Variants in ARID1B observed in about 807,000 individuals in gnomAD.
ARID1B encodes the protein AT-rich interaction domain 1B.
A neutral mutation model predicts 212.3 loss-of-function variants in ARID1B; 30 were observed. The observed-to-expected ratio is 0.14, with a 90% CI of 0.11 to 0.19. ARID1B has a LOEUF of 0.19. Among genes scored for constraint, ARID1B ranks in the 10% least tolerant of loss-of-function variants. The pLI is 1.00. For missense variants in ARID1B, 2,891 were observed against 3,204.0 expected (o/e 0.90, Z 2.36); for synonymous variants, 1,402 against 1,301.7 (o/e 1.08, Z -1.66).
intron 2 of ARID1B, among the ~76,000 whole-genome samples, chr6:156,854,111 T>G (rs1238799208): frequency 1.3e-5 from 2 of 152,142 alleles, no homozygotes; most frequent in Non-Finnish European, 2.9e-5. Flanking sequence ...AAAACAAACT[T>G]TTTTTGGTGA....
At chr6:156,806,385 GT>G (rs1781157323) in intron 1 of ARID1B, among the ~76,000 whole-genome samples, 1 of 152,194 alleles carries the variant, frequency 6.6e-6, no homozygotes, top group Non-Finnish European at 1.5e-5. Flanking sequence ...CTTAGAGCTG[GT>G]TTGGAGGTGT....
At chr6:156,938,228 C>T (rs1488152253) in intron 4 of ARID1B, 3 of 151,880 alleles carry the variant, frequency 2.0e-5, no homozygotes, top group Non-Finnish European at 4.4e-5. Context: ...CAGCTAAGGT[C>T]ATTGTGGTTT....
intron 4 of ARID1B, among the ~76,000 whole-genome samples, chr6:156,999,469 A>G (rs537018220): frequency 2.6e-5 from 4 of 152,372 alleles, no homozygotes; most frequent in African/African-American, 9.6e-5. Flanking sequence ...AGTCACTATT[A>G]TTGTTGCAGT....
chr6:156,927,943 C>A (rs78234396), intron 3 of ARID1B, among the ~76,000 whole-genome samples: 2,160 of 152,210 alleles, frequency 0.014, 53 homozygotes, highest in African/African-American at 0.049. Flanking sequence ...TTAAGAGGAG[C>A]CCATTTGAGG....
In ARID1B at chr6:156,819,894, A is replaced by G. The variant is rs147757442; in HGVS notation, c.1792-9333A>G. Among the ~76,000 whole-genome samples the G allele has an allele frequency of 1.9e-3, 285 of 152,332 alleles. 1 individual carries two copies. The highest frequency in any genetic ancestry group is 6.6e-3 in the African/African-American group (275 of 41,568). ...CATATTTGAAATGTGTGGTTTTTCT[A>G]GAGCCCTGTGGAGGCCAGCATGGTT... On this transcript the variant is annotated intron_variant, in intron 1 of 19. Coordinates refer to ENST00000636930, the MANE Select transcript of ARID1B (RefSeq NM_001374828.1).
chr6:156,991,295 A>C (rs1223362600), intron 4 of ARID1B, among the ~76,000 whole-genome samples: 1 of 152,134 alleles, frequency 6.6e-6, no homozygotes, highest in Non-Finnish European at 1.5e-5. Flanking sequence ...CAATGGTGCG[A>C]TCTCGGCTCA....
chr6:157,081,898 T>C (rs1294705922), intron 4 of ARID1B, among the ~76,000 whole-genome samples: 1 of 152,218 alleles, frequency 6.6e-6, no homozygotes, highest in East Asian at 1.9e-4. Flanking sequence ...TCATATATAG[T>C]ATGGGATTTT....
chr6:156,909,123 C>CTTTTTTTTTTT (rs60183999), intron 3 of ARID1B, among the ~76,000 whole-genome samples: 2 of 108,822 alleles, frequency 1.8e-5, no homozygotes, highest in African/African-American at 3.8e-5. Flanking sequence ...TTTTCTTTCT[C>CTTTTTTTTTTT]TTTTTTTTTT....
At chr6:157,078,164 C>T (rs1290417306) in intron 4 of ARID1B, among the ~76,000 whole-genome samples, 9 of 152,068 alleles carry the variant, frequency 5.9e-5, no homozygotes, top group East Asian at 1.9e-4. Context: ...AATGAAATGC[C>T]GCTAACAAGA....
intron 2 of ARID1B, among the ~76,000 whole-genome samples, chr6:156,892,898 A>G (rs1308285509): frequency 6.6e-6 from 1 of 152,218 alleles, no homozygotes; most frequent in East Asian, 1.9e-4. Flanking sequence ...AAAATTGTAT[A>G]GAATAAAAAC....
At chr6:156,803,530 C>T (rs999615752) in intron 1 of ARID1B, among the ~76,000 whole-genome samples, 26 of 152,092 alleles carry the variant, frequency 1.7e-4, no homozygotes, top group African/African-American at 5.8e-4. Flanking sequence ...TTACCTTTGC[C>T]TTCGTTTTGC....
rs1179105667 is a variant in ARID1B, at chr6:157,070,806, A to C, written c.2248-13856A>C. ...ACTCTTACACTTAAATGAACCTGTA[A>C]GAAGCCCATAGAAAAGCAAATGCCT... On this transcript the variant is annotated intron_variant, in intron 4 of 19. Coordinates refer to ENST00000636930, the MANE Select transcript of ARID1B (RefSeq NM_001374828.1). 2.0e-5 allele frequency among the ~76,000 whole-genome samples: 3 copies of C among 152,254 alleles called. No homozygotes were observed. In the East Asian group the frequency reaches 5.8e-4, roughly 29 times the overall value.
intron 2 of ARID1B, among the ~76,000 whole-genome samples, chr6:156,833,471 TTGA>T (rs977872310): frequency 2.6e-5 from 4 of 152,122 alleles, no homozygotes; most frequent in African/African-American, 4.8e-5. Context: ...TGTAATTGGG[TTGA>T]TATTTTAACT....
At chr6:157,088,283 G>C (rs1357825214) in intron 5 of ARID1B, among the ~76,000 whole-genome samples, 2 of 152,146 alleles carry the variant, frequency 1.3e-5, no homozygotes, top group Non-Finnish European at 2.9e-5. Context: ...TAGACCTTGG[G>C]GGAGTAGTCC....
chr6:156,935,886 T>C (rs941211754), intron 4 of ARID1B: 6 of 287,682 alleles, frequency 2.1e-5, no homozygotes, highest in African/African-American at 1.3e-4. Context: ...CTGTTGCTTT[T>C]TGGCAGCGAT....
At chr6:156,938,017 G>A (rs1792392473) in intron 4 of ARID1B, 1 of 151,910 alleles carries the variant, frequency 6.6e-6, no homozygotes, top group South Asian at 2.1e-4. Context: ...AGAAGATTCA[G>A]TTACTGAATA....
intron 2 of ARID1B, among the ~76,000 whole-genome samples, chr6:156,849,937 C>CT (rs946290586): frequency 6.6e-6 from 1 of 150,850 alleles, no homozygotes; most frequent in African/African-American, 2.4e-5. Context: ...CCAGTGCTGT[C>CT]TTTTTTTGTA....
At chr6:156,881,801 A>T (rs983613203) in intron 2 of ARID1B, among the ~76,000 whole-genome samples, 8 of 152,260 alleles carry the variant, frequency 5.3e-5, no homozygotes, top group Admixed American at 5.2e-4. Flanking sequence ...CCCATGGCTT[A>T]TTTGGGTTAA....
At chr6:156,915,585 A>G (rs935285552) in intron 3 of ARID1B, among the ~76,000 whole-genome samples, 4 of 151,116 alleles carry the variant, frequency 2.6e-5, no homozygotes, top group African/African-American at 9.7e-5. Flanking sequence ...ATTAAAAAAA[A>G]AAAAAGCACA....
Sources: gnomAD v4.1 joint callset for allele counts (sites outside exome capture counted in the v4.1 genomes callset) on GRCh38, gnomAD v4.1.1 for gene constraint, MANE v1.5 for transcripts, NCBI Gene and HGNC (gene_info 2026-07-23, HGNC 2026-07-21) for gene names.